CHST11: variants seen among roughly 807,000 people sequenced by gnomAD.
CHST11 encodes carbohydrate sulfotransferase 11, also known as C4S-1.
Under a neutral mutation model 30.4 loss-of-function variants are expected in CHST11, and 9 were observed. The ratio of observed to expected loss-of-function variants is 0.30; its 90% confidence interval spans 0.18 to 0.52. The LOEUF (loss-of-function observed/expected upper bound fraction) is 0.52, where lower values mean the gene tolerates loss of function less well. Ranked by LOEUF, CHST11 falls within the 20% of genes least tolerant of loss-of-function variation. The pLI, the probability that CHST11 is intolerant of heterozygous loss-of-function variation, is 0.97. For synonymous variants in CHST11, 152 were observed against 187.8 expected, an observed-to-expected ratio of 0.81 and a Z score of 1.56; for missense variants, 348 against 460.6, an observed-to-expected ratio of 0.76 and a Z score of 2.24.
chr12:104,579,537 C>A (rs1024600616), intron 1 of CHST11, among the ~76,000 whole-genome samples: 2 of 152,142 alleles, frequency 1.3e-5, no homozygotes, highest in African/African-American at 2.4e-5. Context: ...AACAGGCATT[C>A]GTTATTATCA....
At chr12:104,575,124 C>T (rs750470847) in intron 1 of CHST11, among the ~76,000 whole-genome samples, 3 of 151,418 alleles carry the variant, frequency 2.0e-5, no homozygotes, top group African/African-American at 7.3e-5. Context: ...ACCCAGGAGG[C>T]AGAGGTTGCA....
intron 1 of CHST11, among the ~76,000 whole-genome samples, chr12:104,487,745 C>G (rs1401232625): frequency 6.7e-6 from 1 of 148,680 alleles, no homozygotes; most frequent in African/African-American, 2.5e-5. Flanking sequence ...TTTTTTTAAA[C>G]AAAGTGGAGC....
intron 2 of CHST11, among the ~76,000 whole-genome samples, chr12:104,750,827 C>G (rs545421220): frequency 3.9e-5 from 6 of 151,992 alleles, no homozygotes; most frequent in Non-Finnish European, 8.8e-5. Context: ...AGACAAGGTG[C>G]TTACTGTCAC....
In CHST11 at chr12:104,671,116, C is replaced by T. The variant is rs149847080; in HGVS notation, c.204+69125C>T. 2.5e-3 allele frequency among the ~76,000 whole-genome samples: 375 copies of T among 152,290 alleles called. 3 individuals carry two copies. The highest frequency in any genetic ancestry group is 4.2e-3 in the Non-Finnish European group (288 of 68,012). ...GATGGTAGAGAATGGCTAGTTTTAGCTTTTCTCATTAACACGGGGTGGGAG... is the reference window on the plus strand; with the variant it reads ...GATGGTAGAGAATGGCTAGTTTTAGTTTTTCTCATTAACACGGGGTGGGAG... On this transcript the variant is annotated intron_variant, in intron 2 of 2. Transcript: ENST00000303694.
chr12:104,647,015 T>C (rs10861260), intron 2 of CHST11, among the ~76,000 whole-genome samples: 56,810 of 152,198 alleles, frequency 0.37, 10,924 homozygotes, highest in South Asian at 0.46. Flanking sequence ...GAGGAATGCC[T>C]ATTCATTCTC....
intron 1 of CHST11, among the ~76,000 whole-genome samples, chr12:104,537,108 G>A (rs181280818): frequency 1.3e-5 from 2 of 152,216 alleles, no homozygotes; most frequent in South Asian, 2.1e-4. Context: ...GAACAAAAAG[G>A]GGTAGTTGCT....
chr12:104,670,774 A>G, intron 2 of CHST11, among the ~76,000 whole-genome samples: 1 of 140,210 alleles, frequency 7.1e-6, no homozygotes, highest in African/African-American at 2.9e-5. Flanking sequence ...ACCAATACAC[A>G]CCCACACATA....
intron 2 of CHST11, among the ~76,000 whole-genome samples, chr12:104,654,495 A>G (rs1037968945): frequency 1.3e-5 from 2 of 152,136 alleles, no homozygotes; most frequent in African/African-American, 4.8e-5. Flanking sequence ...AGTGCAGTGC[A>G]CTGCTGGGTG....
intron 1 of CHST11, among the ~76,000 whole-genome samples, chr12:104,494,592 A>G (rs2037781389): frequency 6.6e-6 from 1 of 152,194 alleles, no homozygotes; most frequent in Non-Finnish European, 1.5e-5. Flanking sequence ...TCTTGCTAGC[A>G]GCTGACTGCC....
At chr12:104,748,850 G>A (rs890824631) in intron 2 of CHST11, among the ~76,000 whole-genome samples, 2 of 152,164 alleles carry the variant, frequency 1.3e-5, no homozygotes, top group African/African-American at 4.8e-5. Context: ...AATTCTGGGA[G>A]GAGAACCCAG....
intron 2 of CHST11, among the ~76,000 whole-genome samples, chr12:104,732,686 G>T (rs1038704720): frequency 2.6e-5 from 4 of 152,268 alleles, no homozygotes; most frequent in South Asian, 2.1e-4. Flanking sequence ...CCAAACCTGA[G>T]CTCAGTCAGG....
At chr12:104,463,761 C>T (rs1043317441) in intron 1 of CHST11, among the ~76,000 whole-genome samples, 1 of 152,144 alleles carries the variant, frequency 6.6e-6, no homozygotes, top group South Asian at 2.1e-4. Context: ...TGAGAGCAGA[C>T]ACCTGCAGGA....
intron 1 of CHST11, 100 bp downstream of exon 1, chr12:104,457,629 C>G: frequency 4.5e-6 from 4 of 884,636 alleles, no homozygotes; most frequent in Non-Finnish European, 7.5e-6. Context: ...TACCTCTCCG[C>G]CTTCGGCCTC....
At chr12:104,704,693 C>T (rs570459700) in intron 2 of CHST11, among the ~76,000 whole-genome samples, 1 of 152,214 alleles carries the variant, frequency 6.6e-6, no homozygotes, top group African/African-American at 2.4e-5. Context: ...AGCTGTTGTC[C>T]CTAACCAAAA....
Position 104,676,441 on chromosome 12 carries a change from A to G in CHST11, c.204+74450A>G, listed in dbSNP as rs2039743967. On this transcript the variant is annotated intron_variant, in intron 2 of 2. Transcript: ENST00000303694. The surrounding 1 kb of genome is among the most constrained non-coding windows in gnomAD (Gnocchi z 4.4). ...ACTGCCTCCTTTTCTTTTGAGACAG[A>G]GTCTCGCTCTGTCACCAGGCTGGAG... Among the ~76,000 whole-genome samples the G allele has an allele frequency of 6.6e-6, 1 of 152,124 alleles. No individual in the cohort carries two copies. The highest frequency in any genetic ancestry group is 2.1e-4 in the South Asian group (1 of 4,826).
intron 1 of CHST11, among the ~76,000 whole-genome samples, chr12:104,509,015 C>T (rs547997070): frequency 6.6e-6 from 1 of 152,230 alleles, no homozygotes; most frequent in East Asian, 1.9e-4. Context: ...ACACCCCTGC[C>T]AGGTTATCTT....
intron 2 of CHST11, among the ~76,000 whole-genome samples, chr12:104,723,087 G>A (rs2040191065): frequency 6.6e-6 from 1 of 152,062 alleles, no homozygotes; most frequent in Non-Finnish European, 1.5e-5. Flanking sequence ...CTGAGGCCCT[G>A]TGGCTCAGTT....
intron 2 of CHST11, among the ~76,000 whole-genome samples, chr12:104,619,724 A>T (rs556718497): frequency 6.6e-6 from 1 of 152,216 alleles, no homozygotes; most frequent in East Asian, 1.9e-4. Flanking sequence ...ACACCGATCC[A>T]TAGACTTACT....
At position 104,457,285 on chromosome 12, in the gene CHST11, C is replaced by A; in HGVS notation, c.-127C>A. ...AGAGCGGCCGCGAAGCGACTCCGAT[C>A]CTCCCTCTGAGCCTTGCTCAGCTCT... On this transcript the variant is annotated 5_prime_UTR_variant, in exon 1 of 3. Coordinates refer to ENST00000303694, the MANE Select transcript of CHST11 (RefSeq NM_018413.6). 1.6e-6 allele frequency: 1 copy of A among 627,102 alleles called. No individual in the cohort carries two copies. Among genetic ancestry groups the A allele is most frequent in the South Asian group, 1.9e-5 (1 of 52,144 alleles). The allele number at this position is 627,102 out of a possible 1,614,324, so 38.8% of individuals were successfully genotyped here.
Sources: allele counts gnomAD v4.1 joint callset (sites outside exome capture counted in the v4.1 genomes callset), GRCh38; gene constraint gnomAD v4.1.1; non-coding constraint Gnocchi (gnomAD v3.1); transcripts MANE v1.5; gene names NCBI Gene and HGNC (gene_info 2026-07-23, HGNC 2026-07-21).